The following STAU2 variants were observed in gnomAD, a reference collection of about 807,000 sequenced individuals.
STAU2 encodes the protein double-stranded RNA-binding protein Staufen homolog 2.
A neutral mutation model predicts 65.9 loss-of-function variants in STAU2; 20 were observed. The ratio of observed to expected loss-of-function variants is 0.30; its 90% CI spans 0.21 to 0.44. STAU2 has a LOEUF of 0.44. Among genes scored for constraint, STAU2 ranks in the 20% least tolerant of loss-of-function variants. STAU2 has a pLI of 1.00. For missense variants in STAU2, 558 were observed against 683.9 expected, an observed-to-expected ratio of 0.82 and a Z score of 2.05; for synonymous variants, 232 against 233.9, an observed-to-expected ratio of 0.99 and a Z score of 0.07.
chr8:73,558,804 A>C (rs34714889), intron 12 of STAU2, among the ~76,000 whole-genome samples: 136,739 of 151,988 alleles, frequency 0.9, 61,566 homozygotes, highest in Admixed American at 0.93. Context: ...TTTTTCACAG[A>C]AAAGCTTTGA....
At chr8:73,746,926 CCGCCGCGCCCTCCCGCGCTCG>C (rs1441568317), upstream of STAU2, 20 of 961,394 alleles carry the variant, frequency 2.1e-5, no homozygotes, top group Non-Finnish European at 2.4e-5. Context: ...CCCGGCGCTC[CCGCCGCGCCCTCCCGCGCTCG>C]CGCCGCGCGC....
chr8:73,602,273 A>G (rs1289519628), intron 10 of STAU2, among the ~76,000 whole-genome samples: 1 of 152,256 alleles, frequency 6.6e-6, no homozygotes, highest in Non-Finnish European at 1.5e-5. Flanking sequence ...CTTAAACTTA[A>G]TCAATATGAG....
chr8:73,694,049 C>T (rs1229757176), intron 4 of STAU2, among the ~76,000 whole-genome samples: 2 of 152,130 alleles, frequency 1.3e-5, no homozygotes, highest in Non-Finnish European at 2.9e-5. Flanking sequence ...ATTAGAATGG[C>T]TATATTAATA....
chr8:73,657,086 G>A (rs1447471924), intron 6 of STAU2, among the ~76,000 whole-genome samples: 6 of 152,162 alleles, frequency 3.9e-5, no homozygotes, highest in Non-Finnish European at 8.8e-5. Context: ...AAAAACTACA[G>A]GAGATGCAAG....
chr8:73,571,482 A>G (rs1236108593), intron 12 of STAU2, among the ~76,000 whole-genome samples: 4 of 152,322 alleles, frequency 2.6e-5, no homozygotes, highest in African/African-American at 9.6e-5. Context: ...TCCAAAATTG[A>G]TCACAGAGTT....
chr8:73,747,222 G>T, upstream of STAU2: 1 of 780,858 alleles, frequency 1.3e-6, no homozygotes, highest in Non-Finnish European at 1.9e-6. Context: ...AGCGCGCCCG[G>T]TCCGCAGTCT....
chr8:73,728,204 T>C (rs1013214828), intron 3 of STAU2: 3 of 152,162 alleles, frequency 2.0e-5, no homozygotes, highest in African/African-American at 7.2e-5. Flanking sequence ...GATTATTCTT[T>C]CCCCACTGAA....
chr8:73,516,335 AT>A lies in STAU2; in HGVS notation c.1530+35676del, dbSNP rs759919296. Among the ~76,000 whole-genome samples, 112 of 146,980 alleles carry A rather than the reference AT, an allele frequency of 7.6e-4. 1 individual carries two copies. The highest frequency in any genetic ancestry group is 2.2e-3 in the African/African-American group (85 of 38,742). On this transcript the variant is annotated intron_variant, in intron 13 of 14. Transcript: ENST00000524300. ...TCATCTATGGAGGGTAACAGAAGAC[AT>A]TTTTTTTTTATCACTACCTTGCCCT...
intron 12 of STAU2, among the ~76,000 whole-genome samples, chr8:73,554,992 C>CA (rs1807620641): frequency 6.6e-6 from 1 of 152,202 alleles, no homozygotes; most frequent in Admixed American, 6.5e-5. Flanking sequence ...AGTTAAGCTC[C>CA]AACTGCTATT....
chr8:73,431,002 TC>T (rs1817237931), intron 13 of STAU2, among the ~76,000 whole-genome samples: 2 of 152,210 alleles, frequency 1.3e-5, no homozygotes, highest in Admixed American at 1.3e-4. Context: ...CAGTTCACTT[TC>T]AACATGGACA....
chr8:73,586,646 C>CAA (rs56687221), intron 11 of STAU2, among the ~76,000 whole-genome samples: 3,812 of 62,674 alleles, frequency 0.061, 135 homozygotes, highest in African/African-American at 0.091. Flanking sequence ...AAAAAAAATG[C>CAA]AAAAAAAAAA....
At chr8:73,614,901 G>A (rs1389471257) in intron 8 of STAU2, among the ~76,000 whole-genome samples, 1 of 152,102 alleles carries the variant, frequency 6.6e-6, no homozygotes, top group Non-Finnish European at 1.5e-5. Context: ...GCTGTGGACC[G>A]AGAACTGAGA....
chr8:73,584,509 C>A (rs1182180405), intron 11 of STAU2, among the ~76,000 whole-genome samples: 2 of 152,122 alleles, frequency 1.3e-5, no homozygotes, highest in Non-Finnish European at 2.9e-5. Flanking sequence ...TACAGACAAG[C>A]AAACAGGGTT....
chr8:73,520,131 C>T (rs1822964320), intron 13 of STAU2, among the ~76,000 whole-genome samples: 1 of 152,098 alleles, frequency 6.6e-6, no homozygotes. Flanking sequence ...GAGCATAAAG[C>T]GTGGGTATAA....
intron 13 of STAU2, among the ~76,000 whole-genome samples, chr8:73,442,819 GA>G (rs1818260146): frequency 6.6e-6 from 1 of 152,118 alleles, no homozygotes; most frequent in African/African-American, 2.4e-5. Context: ...TATGTATTAC[GA>G]GACAGAGAAT....
chr8:73,579,358 C>T (rs1488289856), intron 12 of STAU2, among the ~76,000 whole-genome samples: 1 of 152,134 alleles, frequency 6.6e-6, no homozygotes, highest in Non-Finnish European at 1.5e-5. Context: ...GGATTTGGCA[C>T]ATACCAGTGA....
At chr8:73,746,504 G>A (rs918083330) in intron 1 of STAU2, among the ~76,000 whole-genome samples, 2 of 149,904 alleles carry the variant, frequency 1.3e-5, no homozygotes, top group African/African-American at 2.5e-5. Context: ...CCTCCCCTCA[G>A]GACACCTGTG....
intron 13 of STAU2, among the ~76,000 whole-genome samples, chr8:73,537,524 C>T (rs1806261442): frequency 6.6e-6 from 1 of 152,182 alleles, no homozygotes; most frequent in Admixed American, 6.5e-5. Context: ...ACAGCAGTTT[C>T]TCAACAGAAA....
intron 13 of STAU2, among the ~76,000 whole-genome samples, chr8:73,533,194 C>T (rs369293034): frequency 3.3e-5 from 5 of 152,136 alleles, no homozygotes; most frequent in African/African-American, 1.2e-4. Flanking sequence ...ATGTGAGCAA[C>T]CAATCTTGAT....
Sources: allele counts gnomAD v4.1 joint callset (sites outside exome capture counted in the v4.1 genomes callset), GRCh38; gene constraint gnomAD v4.1.1; transcripts MANE v1.5; gene names NCBI Gene and HGNC (gene_info 2026-07-23, HGNC 2026-07-21).